The following CHEK1 variants were observed in gnomAD, a reference collection of about 807,000 sequenced individuals.
CHEK1 encodes checkpoint kinase 1, also known as serine/threonine-protein kinase Chk1.
CHEK1 carries 32 observed loss-of-function variants against 60.2 expected under a neutral mutation model. The ratio of observed to expected loss-of-function variants is 0.53; its 90% CI spans 0.40 to 0.71. The LOEUF (loss-of-function observed/expected upper bound fraction) is 0.71. Among genes scored for constraint, CHEK1 ranks in the 30% least tolerant of loss-of-function variants. The pLI is 0.00. For synonymous variants in CHEK1, 179 were observed against 187.2 expected (o/e 0.96, Z 0.36); for missense variants, 399 against 564.6 (o/e 0.71, Z 2.97).
At chr11:125,643,960 A>G (rs1270678841) in intron 9 of CHEK1, 60 bp downstream of exon 9, 6 of 1,535,044 alleles carry the variant, frequency 3.9e-6, no homozygotes, top group Admixed American at 1.8e-5. Flanking sequence ...AGAATAATAC[A>G]TGTATGTGTT....
Position 125,625,925 on chromosome 11 carries a change from G to A in CHEK1, c.-108G>A. 1 of 702,628 alleles carries A rather than the reference G, an allele frequency of 1.4e-6. No homozygotes were observed. The highest frequency in any genetic ancestry group is 2.7e-5 in the East Asian group (1 of 37,280). 43.5% of individuals were successfully genotyped at this position (702,628 alleles called of 1,614,324 possible). On this transcript the variant is annotated 5_prime_UTR_variant, in exon 1 of 13. Coordinates refer to ENST00000438015, the MANE Select transcript of CHEK1 (RefSeq NM_001114122.3). Reference sequence around the variant, plus strand: ...CTGTCTTGCTTTACGGCGCGGGTGCGCGAGTTTGCGGCAGCGTGACGCCCT... The same window carrying A: ...CTGTCTTGCTTTACGGCGCGGGTGCACGAGTTTGCGGCAGCGTGACGCCCT...
downstream of CHEK1, chr11:125,678,101 G>A (rs1942613995): frequency 6.2e-7 from 1 of 1,614,186 alleles, no homozygotes. Context: ...CTCCAGAAGT[G>A]TGCTCGGCCA....
intron 6 of CHEK1, among the ~76,000 whole-genome samples, chr11:125,634,962 G>C (rs1462395325): frequency 6.9e-6 from 1 of 145,814 alleles, no homozygotes; most frequent in South Asian, 2.2e-4. Flanking sequence ...CTGTTTTTTG[G>C]TTTTTTTTTT....
At chr11:125,659,847 G>A (rs1343618533), downstream of CHEK1, among the ~76,000 whole-genome samples, 1 of 151,910 alleles carries the variant, frequency 6.6e-6, no homozygotes, top group African/African-American at 2.4e-5. Context: ...GAACCTCCCT[G>A]CTCATTAGCA....
At chr11:125,644,386 TGGTCAAGGAAG>T in intron 10 of CHEK1, 115 bp from the exon 11 acceptor site, 1 of 1,459,056 alleles carries the variant, frequency 6.9e-7, no homozygotes, top group African/African-American at 1.4e-5. Context: ...TATTCTTTTT[TGGTCAAGGAAG>T]AAAGAGAGGA....
chr11:125,626,695 G>T, intron 1 of CHEK1, 54 bp from the exon 2 acceptor site: 1 of 1,544,190 alleles, frequency 6.5e-7, no homozygotes, highest in Non-Finnish European at 9.0e-7. Context: ...GGGCTCAGTG[G>T]CTTCACTGGT....
intron 1 of CHEK1, 136 bp from the exon 2 acceptor site, chr11:125,626,613 G>A (rs2135967898): frequency 5.6e-6 from 4 of 709,640 alleles, no homozygotes; most frequent in Non-Finnish European, 7.4e-6. Context: ...TGAAAGACTT[G>A]GATAAATGTG....
intron 6 of CHEK1, 71 bp from the exon 7 acceptor site, chr11:125,635,358 A>T (rs1024725707): frequency 2.4e-5 from 23 of 961,882 alleles, no homozygotes; most frequent in Non-Finnish European, 2.9e-5. Context: ...TCATGGATTT[A>T]TATTATTATT....
chr11:125,669,715 G>A lies in CHEK1; in HGVS notation c.*28-6213G>A, dbSNP rs895375427. 3.0e-4 allele frequency among the ~76,000 whole-genome samples: 45 copies of A among 151,394 alleles called. 1 individual carries two copies. Among genetic ancestry groups the A allele is most frequent in the African/African-American group, 9.2e-4 (38 of 41,208 alleles). ...ATTTTTGTATTTTTTTAGTAGAGAC[G>A]GGATTTCACCATGTTGGCCAGGCTA... On this transcript the variant is annotated intron_variant, in intron 13 of 13. Coordinates refer to the CHEK1 transcript ENST00000428830.
chr11:125,657,736 T>A (rs1362209169), downstream of CHEK1, among the ~76,000 whole-genome samples: 1 of 152,222 alleles, frequency 6.6e-6, no homozygotes, highest in East Asian at 1.9e-4. Context: ...CTGCTGCTAA[T>A]TGATATTTGG....
intron 8 of CHEK1, among the ~76,000 whole-genome samples, chr11:125,639,730 T>C (rs949520908): frequency 6.6e-6 from 1 of 152,118 alleles, no homozygotes; most frequent in Non-Finnish European, 1.5e-5. Context: ...TTGCTTCCTG[T>C]GTCACTGGGA....
At chr11:125,646,093 G>A (rs1289624154) in intron 11 of CHEK1, among the ~76,000 whole-genome samples, 3 of 151,756 alleles carry the variant, frequency 2.0e-5, no homozygotes, top group South Asian at 2.1e-4. Context: ...GCATCACCAC[G>A]GGGAAAAAAA....
intron 12 of CHEK1, 45 bp from the exon 13 acceptor site, chr11:125,655,176 GTTTT>G (rs1383814993): frequency 1.4e-6 from 2 of 1,389,540 alleles, no homozygotes; most frequent in South Asian, 2.4e-5. Flanking sequence ...ACAGAATTTT[GTTTT>G]TGTTTTTGTT....
At chr11:125,661,469 G>A (rs1942013746), downstream of CHEK1, among the ~76,000 whole-genome samples, 1 of 151,998 alleles carries the variant, frequency 6.6e-6, no homozygotes, top group South Asian at 2.1e-4. Context: ...GTGCCATCAT[G>A]TCTGGCTAAT....
chr11:125,678,978 T>TTATATATATATATA (rs10522682), downstream of CHEK1, among the ~76,000 whole-genome samples: 207 of 88,414 alleles, frequency 2.3e-3, 9 homozygotes, highest in South Asian at 4.5e-3. Flanking sequence ...TCTAGGCATA[T>TTATATATATATATA]TATATATATA....
intron 13 of CHEK1, among the ~76,000 whole-genome samples, chr11:125,662,583 C>T (rs943434895): frequency 1.3e-5 from 2 of 152,192 alleles, no homozygotes; most frequent in Non-Finnish European, 2.9e-5. Context: ...CAAGTTCATT[C>T]CTTTTTATTG....
At chr11:125,649,447 G>C (rs1418399162) in intron 11 of CHEK1, among the ~76,000 whole-genome samples, 2 of 152,008 alleles carry the variant, frequency 1.3e-5, no homozygotes, top group African/African-American at 2.4e-5. Context: ...GCCTTAGCCA[G>C]GTGTCATGGC....
At chr11:125,630,936 G>T (rs887597953) in intron 5 of CHEK1, among the ~76,000 whole-genome samples, 5 of 149,534 alleles carry the variant, frequency 3.3e-5, no homozygotes, top group African/African-American at 1.2e-4. Flanking sequence ...GTCACAAGCA[G>T]TGACATGGAT....
At chr11:125,637,337 A>G (rs1941109484) in intron 7 of CHEK1, 112 bp from the exon 8 acceptor site, 5 of 680,844 alleles carry the variant, frequency 7.3e-6, no homozygotes, top group Admixed American at 7.1e-5. Flanking sequence ...TCTCTTCCCC[A>G]GGAATAATAT....
Sources: allele counts gnomAD v4.1 joint callset (sites outside exome capture counted in the v4.1 genomes callset), GRCh38; gene constraint gnomAD v4.1.1; transcripts MANE v1.5; gene names NCBI Gene and HGNC (gene_info 2026-07-23, HGNC 2026-07-21).